The following RIMS2 variants were observed in gnomAD, a reference collection of about 807,000 sequenced individuals.
The protein encoded by RIMS2 is regulating synaptic membrane exocytosis 2, also known as regulating synaptic membrane exocytosis protein 2.
Under a neutral mutation model 174.4 loss-of-function variants are expected in RIMS2, and 59 were observed. The ratio of observed to expected loss-of-function variants is 0.34; its 90% CI spans 0.27 to 0.42. The LOEUF is 0.42. Ranked by LOEUF, RIMS2 falls within the 10% of genes least tolerant of loss-of-function variation. RIMS2 has a pLI of 1.00. For synonymous variants in RIMS2, 606 were observed against 572.5 expected, an observed-to-expected ratio of 1.06 and a Z score of -0.84; for missense variants, 1,620 against 1,666.3, an observed-to-expected ratio of 0.97 and a Z score of 0.48.
chr8:104,017,671 G>T (rs371356724), intron 19 of RIMS2, among the ~76,000 whole-genome samples: 1 of 152,178 alleles, frequency 6.6e-6, no homozygotes, highest in East Asian at 1.9e-4. Context: ...TATTTTAAAA[G>T]TCACAATTTC....
At chr8:104,037,263 G>A (rs1463272554) in intron 19 of RIMS2, among the ~76,000 whole-genome samples, 1 of 152,046 alleles carries the variant, frequency 6.6e-6, no homozygotes, top group Non-Finnish European at 1.5e-5. Context: ...TCCCCCAAAG[G>A]AAACATTCTA....
At chr8:103,587,137 C>T (rs2093966923) in intron 1 of RIMS2, among the ~76,000 whole-genome samples, 1 of 151,908 alleles carries the variant, frequency 6.6e-6, no homozygotes, top group Non-Finnish European at 1.5e-5. Context: ...ACATATACAA[C>T]CTACCAAGAT....
intron 19 of RIMS2, among the ~76,000 whole-genome samples, chr8:104,095,529 CAGTA>C (rs986420351): frequency 4.6e-5 from 7 of 152,202 alleles, no homozygotes; most frequent in East Asian, 3.9e-4. Context: ...TAGCACAAGT[CAGTA>C]AGTAAGTATG....
At chr8:103,523,631 TAGTC>T (rs1335512525) in intron 1 of RIMS2, among the ~76,000 whole-genome samples, 43 of 152,034 alleles carry the variant, frequency 2.8e-4, no homozygotes, top group Admixed American at 2.8e-3. Flanking sequence ...GACATGATGA[TAGTC>T]AGTGTTATAG....
At chr8:103,505,729 A>C (rs1308061203) in intron 1 of RIMS2, among the ~76,000 whole-genome samples, 6 of 152,142 alleles carry the variant, frequency 3.9e-5, no homozygotes, top group African/African-American at 1.4e-4. Flanking sequence ...TACTAAGGGG[A>C]CTTTCCCACA....
intron 19 of RIMS2, among the ~76,000 whole-genome samples, chr8:104,108,460 T>C (rs1432324146): frequency 6.6e-6 from 1 of 151,996 alleles, no homozygotes; most frequent in Non-Finnish European, 1.5e-5. Context: ...CCTGGCTATT[T>C]TTTTTTTAAT....
At chr8:103,906,470 T>A (rs2154525978) in intron 4 of RIMS2, among the ~76,000 whole-genome samples, 1 of 152,296 alleles carries the variant, frequency 6.6e-6, no homozygotes, top group African/African-American at 2.4e-5. Context: ...GGTTTCAAAC[T>A]CCTGACCTCA....
chr8:103,844,248 G>C (rs1270425519), intron 3 of RIMS2, among the ~76,000 whole-genome samples: 1 of 152,180 alleles, frequency 6.6e-6, no homozygotes, highest in Non-Finnish European at 1.5e-5. Flanking sequence ...CCTTGTTTGT[G>C]TGTCTTTAAT....
At chr8:104,160,875 C>T (rs1332778692) in intron 19 of RIMS2, among the ~76,000 whole-genome samples, 1 of 152,030 alleles carries the variant, frequency 6.6e-6, no homozygotes, top group Non-Finnish European at 1.5e-5. Context: ...AAACATAAAA[C>T]AAGGTGGAAC....
At position 103,563,718 on chromosome 8, in the gene RIMS2, G is replaced by A. The variant is rs190938156; in HGVS notation, c.176+62656G>A. ...ATTTACTGTATTAGTCCATTTTCAC[G>A]CTGGTATTAAAGACATACCCAAGAC... is the stretch of plus-strand genomic sequence containing the variant. On this transcript the variant is annotated intron_variant, in intron 1 of 23. Coordinates refer to ENST00000504942, the Ensembl canonical transcript of RIMS2. 2.1e-3 allele frequency among the ~76,000 whole-genome samples: 321 copies of A among 152,054 alleles called. 2 individuals carry two copies. The highest frequency in any genetic ancestry group is 3.0e-3 in the Non-Finnish European group (207 of 68,010).
intron 1 of RIMS2, among the ~76,000 whole-genome samples, chr8:103,573,887 C>T (rs2093016683): frequency 6.6e-6 from 1 of 152,098 alleles, no homozygotes; most frequent in African/African-American, 2.4e-5. Context: ...TTTCTTTCAT[C>T]AGTGTTTTTT....
At chr8:103,902,107 A>T (rs1389810803) in intron 4 of RIMS2, among the ~76,000 whole-genome samples, 2 of 152,158 alleles carry the variant, frequency 1.3e-5, no homozygotes, top group African/African-American at 4.8e-5. Context: ...TTCCAAGTTT[A>T]ATAAGATTGT....
At chr8:104,036,993 A>G (rs752928672) in intron 19 of RIMS2, among the ~76,000 whole-genome samples, 28 of 152,208 alleles carry the variant, frequency 1.8e-4, no homozygotes, top group Non-Finnish European at 4.1e-4. Context: ...TAATAGGTTG[A>G]AATTATTGTA....
At chr8:103,577,847 G>A (rs1425846622) in intron 1 of RIMS2, among the ~76,000 whole-genome samples, 1 of 152,082 alleles carries the variant, frequency 6.6e-6, no homozygotes, top group Non-Finnish European at 1.5e-5. Flanking sequence ...ATAGCAAAAT[G>A]GATGAAGCAG....
At chr8:104,015,790 C>T (rs917813910) in intron 19 of RIMS2, among the ~76,000 whole-genome samples, 3 of 152,036 alleles carry the variant, frequency 2.0e-5, no homozygotes, top group Admixed American at 2.0e-4. Context: ...ATATCAATTG[C>T]AGTCTACGTT....
chr8:103,611,788 C>T (rs2095374696), intron 1 of RIMS2, among the ~76,000 whole-genome samples: 1 of 151,836 alleles, frequency 6.6e-6, no homozygotes, highest in South Asian at 2.1e-4. Flanking sequence ...TGTTCTATAG[C>T]CTTCTTGTAC....
intron 14 of RIMS2, among the ~76,000 whole-genome samples, chr8:103,944,477 C>T (rs6983436): frequency 0.67 from 101,433 of 151,696 alleles, 34,720 homozygotes; most frequent in African/African-American, 0.7. Context: ...TCATTCGGGA[C>T]TGGCCTTCAG....
intron 19 of RIMS2, among the ~76,000 whole-genome samples, chr8:104,026,789 A>G (rs1217809155): frequency 6.6e-6 from 1 of 152,190 alleles, no homozygotes. Context: ...ACAGGATACA[A>G]CAGTGATGAA....
At chr8:103,743,676 G>T (rs1313197144) in intron 2 of RIMS2, among the ~76,000 whole-genome samples, 8 of 151,882 alleles carry the variant, frequency 5.3e-5, no homozygotes, top group Admixed American at 1.3e-4. Context: ...GTTTTATTTG[G>T]TCAGATAGTA....
Sources: allele counts gnomAD v4.1 joint callset (sites outside exome capture counted in the v4.1 genomes callset), GRCh38; gene constraint gnomAD v4.1.1; transcripts MANE v1.5; gene names NCBI Gene and HGNC (gene_info 2026-07-23, HGNC 2026-07-21).